Variants in CCDC61 observed in about 807,000 individuals in gnomAD.
CCDC61 encodes centrosomal protein CCDC61.
Under a neutral mutation model 63.0 loss-of-function variants are expected in CCDC61, and 55 were observed. The ratio of observed to expected loss-of-function variants is 0.87; its 90% CI spans 0.70 to 1.09. The LOEUF (loss-of-function observed/expected upper bound fraction) is 1.09. Among genes scored for constraint, CCDC61 ranks in the 50% least tolerant of loss-of-function variants. The pLI is 0.00. For synonymous variants in CCDC61, 270 were observed against 317.0 expected (o/e 0.85, Z 1.58); for missense variants, 651 against 731.4 (o/e 0.89, Z 1.27).
chr19:46,010,448 G>T (rs1412075718), intron 5 of CCDC61, among the ~76,000 whole-genome samples: 1 of 152,224 alleles, frequency 6.6e-6, no homozygotes, highest in Non-Finnish European at 1.5e-5. Flanking sequence ...AGGGCTGGGA[G>T]AGCGGAGAAC....
At chr19:46,012,338 A>G (rs1568694299) in intron 5 of CCDC61, among the ~76,000 whole-genome samples, 1 of 152,270 alleles carries the variant, frequency 6.6e-6, no homozygotes, top group Non-Finnish European at 1.5e-5. Flanking sequence ...GCGTACATGT[A>G]ACAACTACCC....
intron 1 of CCDC61, chr19:45,999,927 A>G (rs1401271054): frequency 2.8e-6 from 2 of 710,866 alleles, no homozygotes; most frequent in Non-Finnish European, 3.5e-6. Context: ...CCTCGAAGGC[A>G]CCGCTGGGAT....
chr19:46,015,113 G>C lies in CCDC61; in HGVS notation c.616G>C (p.Ala206Pro). The change falls in exon 6 of 14, where the codon GCG becomes CCG. Residue 206 changes from alanine to proline, a missense_variant. Physicochemically the swap from Ala to Pro is conservative, Grantham distance 27 (BLOSUM62 -1). Coordinates refer to ENST00000595358, the MANE Select transcript of CCDC61 (RefSeq NM_001267723.2). This position sits in a 1 kb window ranked among gnomAD's most constrained non-coding sequence, Gnocchi z 5.3. ...GCAGCTGGGCCGATCGCGCGAGGAG[G>C]CGCTGGCCGGGCGCGCGGCACGCCA... Reference protein sequence around the residue: ...EAQLGRSREEALAGRAARQEA... With the variant: ...EAQLGRSREEPLAGRAARQEA... 2.3e-6 allele frequency: 3 copies of C among 1,315,048 alleles called. 1 individual carries two copies. The South Asian group carries it at 6.2e-5, about 27-fold the overall frequency. The allele number at this position is 1,315,048 out of a possible 1,614,324, so 81.5% of individuals were successfully genotyped here.
rs201384625 is a variant in CCDC61 at position 46,008,264 on chromosome 19, G to A, written c.514G>A (p.Asp172Asn). 1.8e-4 allele frequency: 248 copies of A among 1,363,592 alleles called. No individual in the cohort carries two copies. The highest frequency in any genetic ancestry group is 2.3e-4 in the Non-Finnish European group (230 of 1,022,194). 84.5% of individuals were successfully genotyped at this position (1,363,592 alleles called of 1,614,324 possible). Reference protein sequence around the residue: ...LQGLDGQNTRDTRENEIWHLR... With the variant: ...LQGLDGQNTRNTRENEIWHLR... ...AGGGCTGGATGGCCAGAACACTCGG[G>A]ACACCCGGGAGAATGAGATCTGGCA... The change falls in exon 5 of 14, where the codon GAC becomes AAC. Residue 172 changes from aspartate (D) to asparagine (N), a missense_variant. Coordinates refer to ENST00000595358, the MANE Select transcript of CCDC61 (RefSeq NM_001267723.2).
rs1968915915 is a variant in CCDC61 at position 46,015,578 on chromosome 19, G to A, written c.845+151G>A. On this transcript the variant is annotated intron_variant, in intron 7 of 13. Coordinates refer to ENST00000595358, the MANE Select transcript of CCDC61 (RefSeq NM_001267723.2). This position sits in a 1 kb window ranked among gnomAD's most constrained non-coding sequence, Gnocchi z 5.3. ...AGGCGGGGCTTAGCGGACCCCGTCT[G>A]GAGTCCAGACAGGATTTGGGTGCAG... The A allele has an allele frequency of 2.6e-6, 2 of 757,850 alleles. No individual in the cohort carries two copies. Among genetic ancestry groups the A allele is most frequent in the Admixed American group, 5.5e-5 (2 of 36,050 alleles). The allele number at this position is 757,850 out of a possible 1,614,324, so 46.9% of individuals were successfully genotyped here. A position where few individuals can be genotyped will look rare whatever the true frequency, so the allele number is the denominator to read the frequency against.
rs202123439 is a variant in CCDC61, at chr19:46,015,378, C to T, written c.796C>T (p.Arg266Cys). Residue 266 changes from arginine to cysteine, a missense_variant, in exon 7 of 14, where the codon CGC becomes TGC. Physicochemically the swap from Arg to Cys is radical, Grantham distance 180. Transcript: ENST00000595358. The surrounding 1 kb of genome is among the most constrained non-coding windows in gnomAD (Gnocchi z 5.3). Reference sequence around the variant, plus strand: ...GGCGAAGGCATCGGAGCGGAGCCTGCGCGCCCGGCTGAAGACGCTGACCAG... The same window carrying T: ...GGCGAAGGCATCGGAGCGGAGCCTGTGCGCCCGGCTGAAGACGCTGACCAG... ...EEAKASERSL[R>C]ARLKTLTSEL... The T allele has an allele frequency of 1.4e-4, 224 of 1,603,112 alleles. 1 individual carries two copies. In the East Asian group the frequency reaches 4.8e-3, roughly 34 times the overall value.
In CCDC61 at chr19:45,995,495, A is replaced by G. The variant is rs1436700066; in HGVS notation, c.-21A>G. 1.9e-6 allele frequency: 1 copy of G among 529,086 alleles called. No homozygotes were observed. The highest frequency in any genetic ancestry group is 3.9e-6 in the Non-Finnish European group (1 of 257,784). The allele number at this position is 529,086 out of a possible 1,614,324, so 32.8% of individuals were successfully genotyped here. A position where few individuals can be genotyped will look rare whatever the true frequency, so the allele number is the denominator to read the frequency against. On this transcript the variant is annotated 5_prime_UTR_variant, in exon 1 of 14. Coordinates refer to ENST00000595358, the MANE Select transcript of CCDC61 (RefSeq NM_001267723.2). Reference sequence around the variant, plus strand: ...TGAACCGCTCGCGAGGAGGGTTGCTAGTGGAGAAGGTGAGAGGCCGCGGGA... The same window carrying G: ...TGAACCGCTCGCGAGGAGGGTTGCTGGTGGAGAAGGTGAGAGGCCGCGGGA...
At chr19:46,007,034 A>T in intron 4 of CCDC61, among the ~76,000 whole-genome samples, 1 of 145,926 alleles carries the variant, frequency 6.9e-6, no homozygotes, top group African/African-American at 2.6e-5. Flanking sequence ...TTTTCCTTTT[A>T]CTGTCGTTAA....
intron 3 of CCDC61, among the ~76,000 whole-genome samples, chr19:46,003,853 G>GTGTGTA (rs1555810128): frequency 6.6e-5 from 10 of 150,514 alleles, no homozygotes; most frequent in South Asian, 2.1e-4. Flanking sequence ...GTGTGTGTGT[G>GTGTGTA]TGTGTGTGTA....
intron 1 of CCDC61, among the ~76,000 whole-genome samples, chr19:46,000,482 C>T (rs1968570202): frequency 6.7e-6 from 1 of 149,648 alleles, no homozygotes. Context: ...GGGCTTTGGA[C>T]GGGAGAGAGG....
At chr19:46,010,181 A>T (rs112272546) in intron 5 of CCDC61, among the ~76,000 whole-genome samples, 1 of 152,322 alleles carries the variant, frequency 6.6e-6, no homozygotes, top group African/African-American at 2.4e-5. Context: ...GGGCATTCTT[A>T]TTATCGTCCC....
In CCDC61 at chr19:46,015,911, G is replaced by T; in HGVS notation, c.846-143G>T. The T allele has an allele frequency of 1.6e-6, 1 of 644,846 alleles. No homozygotes were observed. The highest frequency in any genetic ancestry group is 2.2e-6 in the Non-Finnish European group (1 of 452,826). 39.9% of individuals were successfully genotyped at this position (644,846 alleles called of 1,614,324 possible). On this transcript the variant is annotated intron_variant, in intron 7 of 13. Coordinates refer to ENST00000595358, the MANE Select transcript of CCDC61 (RefSeq NM_001267723.2). This position sits in a 1 kb window ranked among gnomAD's most constrained non-coding sequence, Gnocchi z 5.3. ...GGTGAGGTCTGGGGGGGAAGATATC[G>T]AGAGGGTCATGGGCCCAGGAGTGCA...
At chr19:46,010,655 G>A (rs143826407) in intron 5 of CCDC61, among the ~76,000 whole-genome samples, 19 of 152,304 alleles carry the variant, frequency 1.2e-4, no homozygotes, top group Non-Finnish European at 2.4e-4. Flanking sequence ...GGGGAACCAC[G>A]GATTTTAAGA....
chr19:46,014,920 G>T, intron 5 of CCDC61, 129 bp from the exon 6 acceptor site: 1 of 724,168 alleles, frequency 1.4e-6, no homozygotes, highest in Non-Finnish European at 2.1e-6. Flanking sequence ...CTCCCCATGG[G>T]GTCAGTTGAG....
chr19:46,003,082 G>A lies in CCDC61; in HGVS notation c.64G>A (p.Val22Met). 6.2e-7 allele frequency: 1 copy of A among 1,610,664 alleles called. No homozygotes were observed. The highest frequency in any genetic ancestry group is 8.5e-7 in the Non-Finnish European group (1 of 1,178,600). ...VFRGVEHAVR[V>M]MVSGQVLELE... Reference sequence around the variant, plus strand: ...CCGGGGTGTGGAGCATGCCGTGCGGGTGATGGTTTCTGGGCAGGTGCTGGA... The same window carrying A: ...CCGGGGTGTGGAGCATGCCGTGCGGATGATGGTTTCTGGGCAGGTGCTGGA... The change falls in exon 2 of 14, where the codon GTG becomes ATG. Residue 22 changes from valine (V) to methionine (M), a missense_variant. Transcript: ENST00000595358.
intron 5 of CCDC61, among the ~76,000 whole-genome samples, chr19:46,012,569 C>T (rs1004638392): frequency 6.6e-6 from 1 of 152,016 alleles, no homozygotes. Flanking sequence ...ATCACTTGAA[C>T]CCAGGAGGCA....
intron 3 of CCDC61, 182 bp downstream of exon 3, chr19:46,003,683 C>T (rs938080837): frequency 8.2e-6 from 4 of 487,252 alleles, no homozygotes; most frequent in East Asian, 3.1e-5. Context: ...GATAGTTATT[C>T]TCATGTAGAA....
chr19:45,998,745 A>G (rs566419149), intron 1 of CCDC61, among the ~76,000 whole-genome samples: 107 of 152,336 alleles, frequency 7.0e-4, no homozygotes, highest in Non-Finnish European at 1.1e-3. Context: ...AGCACCTTAT[A>G]TACACTAAAT....
At position 46,003,477 on chromosome 19, in the gene CCDC61, T is replaced by A. The variant is rs1012837433; in HGVS notation, c.207T>A (p.His69Gln). Residue 69 changes from histidine to glutamine, a missense_variant, in exon 3 of 14, where the codon CAT becomes CAA. Coordinates refer to ENST00000595358, the MANE Select transcript of CCDC61 (RefSeq NM_001267723.2). The part of the protein sequence containing the change: ...GNFKQFNIFC[H>Q]MLESALTQSS... ...TCAAACAGTTCAACATCTTCTGTCA[T>A]ATGCTGGAGTCAGCCCTCACTCAGG... 1 of 1,612,232 alleles carries A rather than the reference T, an allele frequency of 6.2e-7. No homozygotes were observed. The highest frequency in any genetic ancestry group is 1.3e-5 in the African/African-American group (1 of 74,746).
Sources: gnomAD v4.1 joint callset for allele counts (sites outside exome capture counted in the v4.1 genomes callset) on GRCh38, gnomAD v4.1.1 for gene constraint, Gnocchi (gnomAD v3.1) non-coding constraint, MANE v1.5 for transcripts, NCBI Gene and HGNC (gene_info 2026-07-23, HGNC 2026-07-21) for gene names.